The following PREX2 variants were observed in gnomAD, a reference collection of about 807,000 sequenced individuals.
PREX2 encodes the protein phosphatidylinositol-3,4,5-trisphosphate dependent Rac exchange factor 2.
In PREX2, 107 loss-of-function variants were observed where a neutral mutation model predicts 203.2. The observed-to-expected ratio is 0.53, with a 90% confidence interval of 0.45 to 0.62. The LOEUF (loss-of-function observed/expected upper bound fraction) is 0.62. Among genes scored for constraint, PREX2 ranks in the 20% least tolerant of loss-of-function variants. PREX2 has a pLI of 0.00. For missense variants in PREX2, 1,777 were observed against 1,955.9 expected (o/e 0.91, Z 1.72); for synonymous variants, 672 against 663.6 (o/e 1.01, Z -0.19).
At chr8:67,952,618 C>T (rs1488364409) in intron 1 of PREX2, 83 bp downstream of exon 1, 1 of 1,536,108 alleles carries the variant, frequency 6.5e-7, no homozygotes, top group East Asian at 2.4e-5. Flanking sequence ...GGACGCGCGG[C>T]ATTGTCTGTG....
intron 33 of PREX2, among the ~76,000 whole-genome samples, chr8:68,139,858 ATAT>A (rs1330616837): frequency 6.6e-6 from 1 of 152,206 alleles, no homozygotes; most frequent in Non-Finnish European, 1.5e-5. Context: ...GATAAGGATA[ATAT>A]TATTTGAACA....
chr8:68,107,251 G>T (rs1810435975), intron 23 of PREX2, among the ~76,000 whole-genome samples: 1 of 152,100 alleles, frequency 6.6e-6, no homozygotes. Flanking sequence ...TAGGCCCACT[G>T]AACAGCCTGT....
intron 18 of PREX2, among the ~76,000 whole-genome samples, chr8:68,086,887 GA>G (rs1205417357): frequency 6.6e-6 from 1 of 152,032 alleles, no homozygotes; most frequent in Non-Finnish European, 1.5e-5. Flanking sequence ...TACCACGTTT[GA>G]CAGATCTGTT....
intron 8 of PREX2, among the ~76,000 whole-genome samples, chr8:68,045,292 T>C (rs1808319417): frequency 6.6e-6 from 1 of 152,110 alleles, no homozygotes; most frequent in Non-Finnish European, 1.5e-5. Context: ...CCAATGATTT[T>C]AGTTAGAATT....
chr8:68,191,632 T>TA (rs978103805), intron 35 of PREX2, 90 bp from the exon 36 acceptor site: 87 of 926,640 alleles, frequency 9.4e-5, no homozygotes, highest in East Asian at 3.9e-4. Context: ...CACTTGTTTT[T>TA]AAAAAAAAGT....
At chr8:68,126,671 A>C (rs754938282) in intron 30 of PREX2, among the ~76,000 whole-genome samples, 1 of 152,072 alleles carries the variant, frequency 6.6e-6, no homozygotes, top group Non-Finnish European at 1.5e-5. Flanking sequence ...GGCATTTAGC[A>C]GGAACTTTGT....
chr8:68,118,398 T>C, intron 26 of PREX2, 152 bp from the exon 27 acceptor site: 1 of 562,348 alleles, frequency 1.8e-6, no homozygotes, highest in Non-Finnish European at 3.1e-6. Context: ...CTTTAAAAAG[T>C]AAGATAGACT....
At chr8:68,020,435 C>T (rs1807538947) in intron 3 of PREX2, among the ~76,000 whole-genome samples, 1 of 150,642 alleles carries the variant, frequency 6.6e-6, no homozygotes, top group South Asian at 2.1e-4. Flanking sequence ...AAATGCTAGA[C>T]AATTAATGTT....
At chr8:68,169,201 GAGA>G (rs1011361393) in intron 35 of PREX2, among the ~76,000 whole-genome samples, 2 of 152,206 alleles carry the variant, frequency 1.3e-5, no homozygotes, top group East Asian at 3.9e-4. Flanking sequence ...AGAAGAAGAA[GAGA>G]AGGTGAAACC....
intron 38 of PREX2, among the ~76,000 whole-genome samples, chr8:68,218,319 G>A (rs974307545): frequency 6.6e-6 from 1 of 152,146 alleles, no homozygotes; most frequent in Admixed American, 6.6e-5. Context: ...TAGCCCAATA[G>A]TATTCTAAGT....
chr8:68,224,622 C>T lies in PREX2; in HGVS notation c.4771C>T (p.Pro1591Ser). The T allele has an allele frequency of 1.2e-6, 2 of 1,612,630 alleles. No individual in the cohort carries two copies. Among genetic ancestry groups the T allele is most frequent in the Non-Finnish European group, 1.7e-6 (2 of 1,178,984 alleles). Residue 1591 changes from proline (P) to serine (S), a missense_variant, in exon 39 of 40, where the codon CCA (proline) becomes TCA (serine). Pro to Ser is a moderately conservative substitution (Grantham distance 74). Transcript: ENST00000288368. ...CAGAGACCGGACTCCACAGTCTGCA[C>T]CAAGGTAAGTGCATCCCCTGCTCTG... ...GVRDRTPQSA[P>S]RLYKLCEPPP... is the part of the protein sequence containing the mutation.
chr8:68,063,523 G>A (rs575832631), intron 11 of PREX2, among the ~76,000 whole-genome samples: 12 of 152,202 alleles, frequency 7.9e-5, no homozygotes, highest in African/African-American at 2.2e-4. Flanking sequence ...CCTCTGCCAC[G>A]GATTGGATTT....
At chr8:67,964,574 A>C (rs1805716367) in intron 1 of PREX2, among the ~76,000 whole-genome samples, 1 of 152,140 alleles carries the variant, frequency 6.6e-6, no homozygotes, top group South Asian at 2.1e-4. Flanking sequence ...TCTAACATTT[A>C]TCTCTCTCTT....
intron 38 of PREX2, among the ~76,000 whole-genome samples, chr8:68,218,851 A>T (rs1056634047): frequency 6.6e-6 from 1 of 152,172 alleles, no homozygotes; most frequent in Non-Finnish European, 1.5e-5. Flanking sequence ...TCCAAGAGAG[A>T]TTTGTTAAGT....
At chr8:68,137,316 G>A (rs1486126960) in intron 32 of PREX2, among the ~76,000 whole-genome samples, 6 of 152,028 alleles carry the variant, frequency 3.9e-5, no homozygotes, top group Admixed American at 3.9e-4. Context: ...CGCCCAGGCT[G>A]GAGTGTAGCA....
chr8:68,204,903 G>A (rs1428635441), intron 37 of PREX2, among the ~76,000 whole-genome samples: 2 of 151,434 alleles, frequency 1.3e-5, no homozygotes, highest in South Asian at 2.1e-4. Flanking sequence ...GGATGGTCTC[G>A]ATCTCCTGAC....
At chr8:68,216,349 T>C (rs982451876) in intron 37 of PREX2, among the ~76,000 whole-genome samples, 18 of 152,294 alleles carry the variant, frequency 1.2e-4, no homozygotes, top group South Asian at 2.1e-4. Flanking sequence ...GGAAAAATAC[T>C]AGACAGATCT....
chr8:68,028,363 A>T (rs1807791763), intron 5 of PREX2, among the ~76,000 whole-genome samples: 1 of 152,068 alleles, frequency 6.6e-6, no homozygotes, highest in South Asian at 2.1e-4. Flanking sequence ...GACTTATTTT[A>T]ATATATAAAT....
At chr8:68,190,948 G>A (rs1812280982) in intron 35 of PREX2, among the ~76,000 whole-genome samples, 3 of 151,878 alleles carry the variant, frequency 2.0e-5, no homozygotes. Context: ...TGTAATTATT[G>A]CAGGCCACTA....
Sources: gnomAD v4.1 joint callset for allele counts (sites outside exome capture counted in the v4.1 genomes callset) on GRCh38, gnomAD v4.1.1 for gene constraint, MANE v1.5 for transcripts, NCBI Gene and HGNC (gene_info 2026-07-23, HGNC 2026-07-21) for gene names.